Variants in FAM210A observed in about 807,000 individuals in gnomAD.
The protein encoded by FAM210A is mitochondrial inner membrane scaffold 1, also known as family with sequence similarity 210 member A.
A neutral mutation model predicts 25.3 loss-of-function variants in FAM210A; 13 were observed. That is an observed-to-expected ratio of 0.51 (90% CI 0.33 to 0.82). The LOEUF is 0.82. Among genes scored for constraint, FAM210A ranks in the 40% least tolerant of loss-of-function variants. The pLI, the probability that FAM210A is intolerant of heterozygous loss-of-function variation, is 0.02. For missense variants in FAM210A, 319 were observed against 323.2 expected (o/e 0.99, Z 0.10); for synonymous variants, 125 against 118.7 (o/e 1.05, Z -0.35).
intron 1 of FAM210A, among the ~76,000 whole-genome samples, chr18:13,693,372 G>A (rs1303970685): frequency 1.3e-5 from 2 of 152,160 alleles, no homozygotes; most frequent in African/African-American, 4.8e-5. Flanking sequence ...GAAAAAGAGG[G>A]AATCCTCCCT....
At chr18:13,696,961 G>A (rs963491965) in intron 1 of FAM210A, among the ~76,000 whole-genome samples, 93 of 152,216 alleles carry the variant, frequency 6.1e-4, no homozygotes, top group African/African-American at 2.1e-3. Flanking sequence ...TGGTATAGGT[G>A]TATCATTTTT....
chr18:13,689,859 C>G (rs550355311), intron 1 of FAM210A, among the ~76,000 whole-genome samples: 1 of 152,174 alleles, frequency 6.6e-6, no homozygotes, highest in African/African-American at 2.4e-5. Context: ...GCATGAGTGA[C>G]GCAGAAGACG....
At chr18:13,666,750 G>A in intron 3 of FAM210A, 37 bp from the exon 4 acceptor site, 1 of 1,556,034 alleles carries the variant, frequency 6.4e-7, no homozygotes, top group Non-Finnish European at 8.8e-7. Flanking sequence ...ATCAAAACCT[G>A]GTTATTACTG....
chr18:13,688,165 G>A (rs1032063123), intron 1 of FAM210A, among the ~76,000 whole-genome samples: 5 of 152,188 alleles, frequency 3.3e-5, no homozygotes, highest in Non-Finnish European at 5.9e-5. Context: ...TAGGCAGACA[G>A]GGACAGGTCC....
chr18:13,703,875 G>A (rs764868552), intron 1 of FAM210A, among the ~76,000 whole-genome samples: 1 of 152,202 alleles, frequency 6.6e-6, no homozygotes, highest in Non-Finnish European at 1.5e-5. Context: ...AAAACATTTG[G>A]TCTAAATTGT....
At chr18:13,715,153 T>C (rs1464472029) in intron 1 of FAM210A, 1 of 152,184 alleles carries the variant, frequency 6.6e-6, no homozygotes, top group South Asian at 2.1e-4. Context: ...TTCACACGTG[T>C]GATCCCACTA....
At chr18:13,687,026 AGT>A (rs1568481310) in intron 1 of FAM210A, among the ~76,000 whole-genome samples, 1 of 152,256 alleles carries the variant, frequency 6.6e-6, no homozygotes, top group Non-Finnish European at 1.5e-5. Context: ...AATATTAGCA[AGT>A]CAAATCCAGC....
chr18:13,697,806 T>C (rs1297178123), intron 1 of FAM210A: 1 of 152,228 alleles, frequency 6.6e-6, no homozygotes, highest in Admixed American at 6.6e-5. Context: ...TGCCAAAACT[T>C]AGAAGCAACC....
intron 1 of FAM210A, among the ~76,000 whole-genome samples, chr18:13,704,804 T>C (rs7243284): frequency 0.25 from 38,596 of 152,140 alleles, 5,616 homozygotes; most frequent in Non-Finnish European, 0.34. Flanking sequence ...CTATCCATAA[T>C]TACAGTTATT....
At chr18:13,685,127 C>G (rs1338112120) in intron 1 of FAM210A, among the ~76,000 whole-genome samples, 5 of 152,142 alleles carry the variant, frequency 3.3e-5, no homozygotes, top group African/African-American at 1.2e-4. Flanking sequence ...GAGTCACACC[C>G]TGCAAACCAT....
intron 1 of FAM210A, among the ~76,000 whole-genome samples, chr18:13,699,482 A>T (rs1002697672): frequency 1.3e-5 from 2 of 152,216 alleles, no homozygotes; most frequent in African/African-American, 4.8e-5. Flanking sequence ...TTAAAAAAAA[A>T]TCAATGATTT....
intron 2 of FAM210A, among the ~76,000 whole-genome samples, chr18:13,677,413 C>T (rs933125716): frequency 9.2e-5 from 14 of 152,070 alleles, no homozygotes; most frequent in African/African-American, 3.4e-4. Context: ...AGGGGGTCCG[C>T]GTGAGAGGGT....
Position 13,666,690 on chromosome 18 carries a change from G to T in FAM210A, c.609C>A (p.Thr203=), listed in dbSNP as rs529431654. The T allele has an allele frequency of 1.2e-6, 2 of 1,613,616 alleles. No homozygotes were observed. The highest frequency in any genetic ancestry group is 2.7e-5 in the African/African-American group (2 of 74,892). The part of the protein sequence containing the change: ...LFKIATPARY[T]VTLGGTSVTV... ...TGACAGATGTTCCTCCCAAAGTCAC[G>T]GTATACCGAGCAGGTGTTGCAATCT... The change falls in exon 4 of 4, where the codon ACC becomes ACA. Residue 203 remains threonine, a synonymous_variant. Coordinates refer to ENST00000651643, the MANE Select transcript of FAM210A (RefSeq NM_152352.4).
At chr18:13,669,560 T>C (rs921055858) in intron 3 of FAM210A, among the ~76,000 whole-genome samples, 6 of 152,118 alleles carry the variant, frequency 3.9e-5, no homozygotes, top group East Asian at 1.9e-4. Flanking sequence ...CCATCTCCCA[T>C]TGAAAAACAA....
intron 1 of FAM210A, among the ~76,000 whole-genome samples, chr18:13,686,643 C>T (rs550024213): frequency 6.6e-6 from 1 of 152,286 alleles, no homozygotes; most frequent in South Asian, 2.1e-4. Context: ...TTCAGGTTGA[C>T]ACCCACAAAT....
At chr18:13,683,358 G>A (rs2149057556) in intron 1 of FAM210A, among the ~76,000 whole-genome samples, 1 of 152,268 alleles carries the variant, frequency 6.6e-6, no homozygotes, top group Non-Finnish European at 1.5e-5. Context: ...GAGAAAAAAA[G>A]TGTAGAGTGA....
chr18:13,721,961 C>T (rs1055388714), intron 1 of FAM210A, among the ~76,000 whole-genome samples: 5 of 152,102 alleles, frequency 3.3e-5, no homozygotes, highest in Non-Finnish European at 7.3e-5. Context: ...TTCTTAGCAG[C>T]GCAATGGGGT....
intron 3 of FAM210A, among the ~76,000 whole-genome samples, chr18:13,669,620 C>T (rs939995394): frequency 1.3e-5 from 2 of 152,174 alleles, no homozygotes; most frequent in South Asian, 4.1e-4. Context: ...CCATCATCTA[C>T]GTACACACAC....
At chr18:13,701,979 C>T (rs190800946) in intron 1 of FAM210A, among the ~76,000 whole-genome samples, 17 of 152,200 alleles carry the variant, frequency 1.1e-4, no homozygotes, top group African/African-American at 2.7e-4. Flanking sequence ...CTTGCCAGTT[C>T]GATAATTTGG....
Sources: allele counts gnomAD v4.1 joint callset (sites outside exome capture counted in the v4.1 genomes callset), GRCh38; gene constraint gnomAD v4.1.1; transcripts MANE v1.5; gene names NCBI Gene and HGNC (gene_info 2026-07-23, HGNC 2026-07-21).